SPG11: variants seen among roughly 807,000 people sequenced by gnomAD.
The protein encoded by SPG11 is SPG11 vesicle trafficking associated, spatacsin, also known as spatacsin.
In SPG11, 222 loss-of-function variants were observed where a neutral mutation model predicts 274.0. The ratio of observed to expected loss-of-function variants is 0.81; its 90% CI spans 0.73 to 0.91. The LOEUF (loss-of-function observed/expected upper bound fraction) is 0.91, where lower values mean the gene tolerates loss of function less well. Ranked by LOEUF, SPG11 falls within the 40% of genes least tolerant of loss-of-function variation. The pLI, the probability that SPG11 is intolerant of heterozygous loss-of-function variation, is 0.00. For synonymous variants in SPG11, 1,144 were observed against 1,039.7 expected (o/e 1.10, Z -1.93); for missense variants, 3,114 against 2,872.7 (o/e 1.08, Z -1.92).
intron 38 of SPG11, among the ~76,000 whole-genome samples, chr15:44,565,386 C>G (rs1177054915): frequency 6.6e-6 from 1 of 152,190 alleles, no homozygotes. Context: ...CACCTCAGAT[C>G]ATCAGGCATT....
chr15:44,606,820 A>C (rs1159594378), intron 19 of SPG11, among the ~76,000 whole-genome samples: 2 of 152,208 alleles, frequency 1.3e-5, no homozygotes, highest in African/African-American at 2.4e-5. Flanking sequence ...AAAAAAATTA[A>C]ATCAGTCCAC....
At chr15:44,608,408 T>C in intron 19 of SPG11, 36 bp downstream of exon 19, 1 of 1,608,212 alleles carries the variant, frequency 6.2e-7, no homozygotes, top group Middle Eastern at 1.7e-4. Context: ...GGCTGAACTC[T>C]GATAGACCTA....
At chr15:44,654,038 T>G (rs1229701562) in intron 4 of SPG11, among the ~76,000 whole-genome samples, 1 of 152,170 alleles carries the variant, frequency 6.6e-6, no homozygotes, top group African/African-American at 2.4e-5. Flanking sequence ...ACTGTAGCCT[T>G]GATCTCCTGG....
intron 25 of SPG11, 124 bp from the exon 26 acceptor site, chr15:44,595,583 A>T: frequency 9.2e-7 from 1 of 1,083,836 alleles, no homozygotes; most frequent in Non-Finnish European, 1.4e-6. Flanking sequence ...TGGCTTGAAA[A>T]GCCTTCAAAC....
rs991666334 is a variant in SPG11 at position 44,585,654 on chromosome 15, G to A, written c.5103C>T (p.Asp1701=). ...RVAELAELPV[D]NLVIKEITQE... ...ATGATACCTCTTTAATAACCAAGTT[G>A]TCCACAGGTAACTCAGCTAATTCTG... is the stretch of plus-strand genomic sequence containing the variant. Residue 1701 remains aspartate (D), a synonymous_variant, in exon 29 of 40, where the codon GAC becomes GAT. Coordinates refer to ENST00000261866, the MANE Select transcript of SPG11 (RefSeq NM_025137.4). 5.8e-5 allele frequency: 84 copies of A among 1,442,556 alleles called. No homozygotes were observed. Among genetic ancestry groups the A allele is most frequent in the Non-Finnish European group, 7.7e-5 (80 of 1,036,658 alleles). The allele number at this position is 1,442,556 out of a possible 1,614,324, so 89.4% of individuals were successfully genotyped here. A position where few individuals can be genotyped will look rare whatever the true frequency, so the allele number is the denominator to read the frequency against.
At chr15:44,612,101 G>A (rs555118582) in intron 17 of SPG11, among the ~76,000 whole-genome samples, 5 of 152,132 alleles carry the variant, frequency 3.3e-5, no homozygotes, top group South Asian at 2.1e-4. Context: ...GAGCCACTGC[G>A]CCTGGCCTAA....
At chr15:44,652,341 T>A in intron 4 of SPG11, 75 bp from the exon 5 acceptor site, 1 of 1,482,652 alleles carries the variant, frequency 6.7e-7, no homozygotes, top group Non-Finnish European at 9.3e-7. Context: ...CTGCTCCTGT[T>A]AAAAATAAGA....
In SPG11 at chr15:44,596,342, ATAAG is replaced by A; in HGVS notation, c.4171_4174del (p.Leu1391SerfsTer12). On this transcript the variant is annotated frameshift_variant, in exon 25 of 40. Transcript: ENST00000261866. LOFTEE classifies it high-confidence loss of function. ...TTGAATGACTGGGCTGAAGTACTGG[ATAAG>A]GGATTTCACCTAGAAGGCATATCAG... The A allele has an allele frequency of 6.2e-7, 1 of 1,614,168 alleles. No individual in the cohort carries two copies. The highest frequency in any genetic ancestry group is 8.5e-7 in the Non-Finnish European group (1 of 1,180,028).
intron 22 of SPG11, 104 bp downstream of exon 22, chr15:44,598,527 A>G: frequency 7.4e-7 from 1 of 1,350,692 alleles, no homozygotes; most frequent in Non-Finnish European, 1.1e-6. Context: ...GAAAAGGATA[A>G]AACCAAGAAG....
Position 44,584,313 on chromosome 15 carries a change from C to T in SPG11, c.5367G>A (p.Val1789=). ...CCAGCTCCTCCAGCTTATCCAAGGG[C>T]ACCACGTCCTCCTGGGCAAGCCAGT... is the stretch of plus-strand genomic sequence containing the variant. ...AGHWLAQEDV[V]PLDKLEELEK... Residue 1789 remains valine (V), a synonymous_variant, in exon 30 of 40, where the codon GTG becomes GTA. Transcript: ENST00000261866. 1 of 1,611,652 alleles carries T rather than the reference C, an allele frequency of 6.2e-7. No individual in the cohort carries two copies.
chr15:44,660,394 A>G, intron 2 of SPG11, 38 bp downstream of exon 2: 2 of 1,592,342 alleles, frequency 1.3e-6, no homozygotes, highest in Non-Finnish European at 1.7e-6. Flanking sequence ...TAATGTCACA[A>G]ATTTAAATAT....
chr15:44,656,195 A>G (rs976564904), intron 4 of SPG11, among the ~76,000 whole-genome samples: 5 of 152,238 alleles, frequency 3.3e-5, no homozygotes, highest in Admixed American at 6.5e-5. Flanking sequence ...GAATGGGCTC[A>G]TGAAAAATCA....
At chr15:44,582,188 A>G (rs1228729470) in intron 30 of SPG11, among the ~76,000 whole-genome samples, 1 of 152,214 alleles carries the variant, frequency 6.6e-6, no homozygotes, top group African/African-American at 2.4e-5. Flanking sequence ...GTTTTCCAGA[A>G]AATAAAAGAG....
In SPG11 at chr15:44,581,606, A is replaced by G. The variant is rs1331732777; in HGVS notation, c.5866+2208T>C. ...ATGAAAAACTGATTATTAAAAAAAA[A>G]AAAAAGGCTGGGCGTGGTGGCTCAC... On this transcript the variant is annotated intron_variant, in intron 30 of 39. Transcript: ENST00000261866. 3.9e-5 allele frequency among the ~76,000 whole-genome samples: 6 copies of G among 151,984 alleles called. No individual in the cohort carries two copies. The East Asian group carries it at 1.2e-3, about 29-fold the overall frequency.
At chr15:44,663,219 G>T (rs2085170116) in intron 1 of SPG11, among the ~76,000 whole-genome samples, 172 bp downstream of exon 1, 1 of 152,256 alleles carries the variant, frequency 6.6e-6, no homozygotes, top group Non-Finnish European at 1.5e-5. Flanking sequence ...CAGGTCGGGG[G>T]AAAGGTTCTG....
chr15:44,621,832 A>G lies in SPG11; in HGVS notation c.2547T>C (p.Ile849=). The G allele has an allele frequency of 3.7e-6, 6 of 1,614,016 alleles. No individual in the cohort carries two copies. Among genetic ancestry groups the G allele is most frequent in the Non-Finnish European group, 5.1e-6 (6 of 1,179,948 alleles). The change falls in exon 14 of 40, where the codon ATT becomes ATC. Residue 849 remains isoleucine (I), a synonymous_variant. Transcript: ENST00000261866. ...CCCACCACAGAGCCCAATTTAACAC[A>G]ATTCTATGGTCCTGTTTGTTAAATT... ...KDEFNKQDHR[I]VLNWALWWDQ...
intron 28 of SPG11, among the ~76,000 whole-genome samples, chr15:44,588,159 T>A (rs1294070242): frequency 6.6e-6 from 1 of 152,120 alleles, no homozygotes; most frequent in Non-Finnish European, 1.5e-5. Context: ...ACTGTCAGAA[T>A]ATAGTATAAA....
chr15:44,570,862 T>C (rs78637279), intron 33 of SPG11, among the ~76,000 whole-genome samples: 1 of 152,170 alleles, frequency 6.6e-6, no homozygotes, highest in Non-Finnish European at 1.5e-5. Context: ...CTCTCAGTCA[T>C]GGCACAATCC....
intron 4 of SPG11, among the ~76,000 whole-genome samples, chr15:44,655,737 G>A (rs1004414835): frequency 2.6e-5 from 4 of 152,142 alleles, no homozygotes; most frequent in Non-Finnish European, 5.9e-5. Context: ...AAAGTTACAT[G>A]TGGCATTTTG....
Sources: allele counts gnomAD v4.1 joint callset (sites outside exome capture counted in the v4.1 genomes callset), GRCh38; gene constraint gnomAD v4.1.1; transcripts MANE v1.5; gene names NCBI Gene and HGNC (gene_info 2026-07-23, HGNC 2026-07-21).